Variants in KCNH1 observed in about 807,000 individuals in gnomAD.
KCNH1 encodes voltage-gated delayed rectifier potassium channel KCNH1.
KCNH1 carries 27 observed loss-of-function variants against 69.2 expected under a neutral mutation model. The ratio of observed to expected loss-of-function variants is 0.39; its 90% CI spans 0.29 to 0.54. The LOEUF (loss-of-function observed/expected upper bound fraction) is 0.54. Among genes scored for constraint, KCNH1 ranks in the 20% least tolerant of loss-of-function variants. The pLI is 0.68. For missense variants in KCNH1, 798 were observed against 1,261.6 expected (o/e 0.63, Z 5.57); for synonymous variants, 456 against 487.7 (o/e 0.93, Z 0.86).
chr1:210,828,436 T>C (rs1021733514), intron 7 of KCNH1, among the ~76,000 whole-genome samples: 3 of 152,136 alleles, frequency 2.0e-5, no homozygotes, highest in Non-Finnish European at 1.5e-5. Context: ...AACGTTCCCA[T>C]AGTAACATCT....
intron 9 of KCNH1, among the ~76,000 whole-genome samples, chr1:210,779,341 CA>C (rs1289830131): frequency 6.6e-6 from 1 of 152,112 alleles, no homozygotes; most frequent in Non-Finnish European, 1.5e-5. Flanking sequence ...CTGTCAGATC[CA>C]AAACAAACTC....
At position 210,923,638 on chromosome 1, in the gene KCNH1, T is replaced by A. The variant is rs375499290; in HGVS notation, c.1033-3569A>T. On this transcript the variant is annotated intron_variant, in intron 6 of 10. Coordinates refer to ENST00000271751, the MANE Select transcript of KCNH1 (RefSeq NM_172362.3). The stretch of plus-strand genomic sequence containing the variant: ...TTTGCATACTAGTGATTCTTCAGGC[T>A]TGTCACCAACTCCAACCAAGCACCA... Among the ~76,000 whole-genome samples the A allele has an allele frequency of 4.5e-4, 69 of 152,372 alleles. No individual in the cohort carries two copies. In the South Asian group the frequency reaches 0.014, roughly 31 times the overall value.
intron 6 of KCNH1, among the ~76,000 whole-genome samples, chr1:210,985,530 T>C (rs940703199): frequency 6.6e-6 from 1 of 152,212 alleles, no homozygotes; most frequent in African/African-American, 2.4e-5. Flanking sequence ...CTGCCTTCAT[T>C]TCGTTATGTA....
At chr1:211,070,998 C>A (rs1421666378) in intron 5 of KCNH1, among the ~76,000 whole-genome samples, 1 of 152,098 alleles carries the variant, frequency 6.6e-6, no homozygotes, top group Non-Finnish European at 1.5e-5. Flanking sequence ...TGACCAGAAG[C>A]CTTACCAATA....
chr1:210,982,488 C>G (rs1013254295), intron 6 of KCNH1, among the ~76,000 whole-genome samples: 1 of 151,974 alleles, frequency 6.6e-6, no homozygotes, highest in Non-Finnish European at 1.5e-5. Flanking sequence ...TCTCATTATT[C>G]AATTCCTACC....
intron 7 of KCNH1, among the ~76,000 whole-genome samples, chr1:210,842,826 G>A (rs1182900842): frequency 1.3e-5 from 2 of 151,958 alleles, no homozygotes; most frequent in South Asian, 4.1e-4. Context: ...TTTTTTCAGT[G>A]ATGGAAGTTA....
intron 7 of KCNH1, among the ~76,000 whole-genome samples, chr1:210,815,065 C>T (rs943480989): frequency 2.0e-5 from 3 of 152,166 alleles, no homozygotes; most frequent in African/African-American, 7.2e-5. Flanking sequence ...GCTGGAACAG[C>T]AGCATCACAA....
rs567261157 is a variant in KCNH1 at position 211,030,983 on chromosome 1, A to C, written c.559-11727T>G. Among the ~76,000 whole-genome samples the C allele has an allele frequency of 2.2e-3, 328 of 152,302 alleles. 1 individual carries two copies. The highest frequency in any genetic ancestry group is 3.9e-3 in the Non-Finnish European group (265 of 68,018). On this transcript the variant is annotated intron_variant, in intron 5 of 10. Transcript: ENST00000271751. Reference sequence around the variant, plus strand: ...ATACAGATAACCAATAAGCACATGAAAAAAATGTTCAACTCATTAGCCATT... The same window carrying C: ...ATACAGATAACCAATAAGCACATGACAAAAATGTTCAACTCATTAGCCATT...
intron 10 of KCNH1, among the ~76,000 whole-genome samples, chr1:210,766,520 G>T (rs571313264): frequency 2.0e-5 from 3 of 151,962 alleles, no homozygotes; most frequent in African/African-American, 7.3e-5. Flanking sequence ...ATTGAGGGGG[G>T]GTGGGGAGTT....
chr1:210,827,165 A>C (rs1685049312), intron 7 of KCNH1, among the ~76,000 whole-genome samples: 1 of 152,090 alleles, frequency 6.6e-6, no homozygotes, highest in African/African-American at 2.4e-5. Flanking sequence ...GTGAAACCCC[A>C]TCTCTATTAA....
chr1:210,886,925 T>C (rs960449938), intron 7 of KCNH1, among the ~76,000 whole-genome samples: 4 of 152,168 alleles, frequency 2.6e-5, no homozygotes, highest in African/African-American at 9.7e-5. Flanking sequence ...GTTTGATTGA[T>C]GTACCTGAAA....
intron 3 of KCNH1, among the ~76,000 whole-genome samples, chr1:211,093,752 C>A (rs903501435): frequency 1.3e-5 from 2 of 152,170 alleles, no homozygotes; most frequent in African/African-American, 2.4e-5. Context: ...TGATCTGGTG[C>A]TTCTCTGTGG....
chr1:210,875,111 T>A (rs1434076558), intron 7 of KCNH1, among the ~76,000 whole-genome samples: 2 of 152,190 alleles, frequency 1.3e-5, no homozygotes, highest in Non-Finnish European at 2.9e-5. Context: ...ATGAAACATA[T>A]GATTCTTCTC....
intron 10 of KCNH1, among the ~76,000 whole-genome samples, chr1:210,719,593 C>T (rs1558439324): frequency 2.6e-5 from 4 of 151,994 alleles, no homozygotes; most frequent in Admixed American, 2.0e-4. Flanking sequence ...ATACCTAATG[C>T]ATGCAGGGCT....
At chr1:210,837,763 G>C (rs940935795) in intron 7 of KCNH1, among the ~76,000 whole-genome samples, 2 of 152,262 alleles carry the variant, frequency 1.3e-5, no homozygotes. Flanking sequence ...AGATGCCTCA[G>C]TGTCCACATG....
At chr1:210,836,344 T>G (rs111815037) in intron 7 of KCNH1, among the ~76,000 whole-genome samples, 121 of 152,292 alleles carry the variant, frequency 7.9e-4, no homozygotes, top group Non-Finnish European at 1.4e-3. Flanking sequence ...AAATCTAATT[T>G]AAGAGATTGC....
Position 210,683,766 on chromosome 1 carries a change from C to T in KCNH1, c.2485G>A (p.Gly829Ser), listed in dbSNP as rs764743260. 4 of 1,613,920 alleles carry T rather than the reference C, an allele frequency of 2.5e-6. No individual in the cohort carries two copies. The South Asian group carries it at 3.3e-5, about 13-fold the overall frequency. The change falls in exon 11 of 11, where the codon GGC becomes AGC. Residue 829 changes from glycine to serine, a missense_variant. Around this residue, in one of 4 missense-constraint regions of KCNH1, gnomAD observed 331 missense variants for 363.2 expected, o/e 0.91. Transcript: ENST00000271751. The surrounding 1 kb of genome is among the most constrained non-coding windows in gnomAD (Gnocchi z 5.7). The part of the protein sequence containing the change: ...SECLGPKGGG[G>S]DCAKRKSWAR... ...CAGCTTTTGCGCTTGGCACAATCGC[C>T]CCCGCCCCCCTTGGGGCCCAGGCAC...
At chr1:210,883,116 A>G (rs1209220427) in intron 7 of KCNH1, among the ~76,000 whole-genome samples, 3 of 152,160 alleles carry the variant, frequency 2.0e-5, no homozygotes, top group Non-Finnish European at 4.4e-5. Flanking sequence ...AGTGCTAGGT[A>G]TGATGGTGGG....
intron 10 of KCNH1, among the ~76,000 whole-genome samples, chr1:210,768,336 G>GA (rs1683681160): frequency 6.6e-6 from 1 of 152,152 alleles, no homozygotes; most frequent in Non-Finnish European, 1.5e-5. Flanking sequence ...TAACTGGCCT[G>GA]AAGTCACTAA....
Sources: allele counts gnomAD v4.1 joint callset (sites outside exome capture counted in the v4.1 genomes callset), GRCh38; gene constraint gnomAD v4.1.1; regional missense constraint gnomAD v4.1.1; non-coding constraint Gnocchi (gnomAD v3.1); transcripts MANE v1.5; gene names NCBI Gene and HGNC (gene_info 2026-07-23, HGNC 2026-07-21).